The following ERO1B variants were observed in gnomAD, a reference collection of about 807,000 sequenced individuals.
ERO1B encodes the protein ERO1-like protein beta.
ERO1B carries 49 observed loss-of-function variants against 75.3 expected under a neutral mutation model. The ratio of observed to expected loss-of-function variants is 0.65; its 90% CI spans 0.52 to 0.83. The LOEUF is 0.83. ERO1B is among the 40% of genes least tolerant of loss of function. The pLI, the probability that ERO1B is intolerant of heterozygous loss-of-function variation, is 0.00. For missense variants in ERO1B, 512 were observed against 560.1 expected, an observed-to-expected ratio of 0.91 and a Z score of 0.87; for synonymous variants, 191 against 192.9, an observed-to-expected ratio of 0.99 and a Z score of 0.08.
At chr1:236,229,328 G>A (rs1231966578) in intron 10 of ERO1B, among the ~76,000 whole-genome samples, 1 of 151,978 alleles carries the variant, frequency 6.6e-6, no homozygotes, top group Non-Finnish European at 1.5e-5. Flanking sequence ...GGGAGGCTGA[G>A]GCAGGAGGAT....
chr1:236,270,184 T>C (rs1288692866), intron 1 of ERO1B, among the ~76,000 whole-genome samples, 190 bp from the exon 2 acceptor site: 1 of 152,222 alleles, frequency 6.6e-6, no homozygotes. Flanking sequence ...AGATTAGCTA[T>C]ACCCATTTGG....
At position 236,215,719 on chromosome 1, in the gene ERO1B, A is replaced by G. The variant is rs190242195; in HGVS notation, c.*2797T>C. 1 of 144,054 alleles carries G rather than the reference A, an allele frequency of 6.9e-6. No individual in the cohort carries two copies. Among genetic ancestry groups the G allele is most frequent in the Admixed American group, 7.2e-5 (1 of 13,914 alleles). 8.9% of individuals were successfully genotyped at this position (144,054 alleles called of 1,614,324 possible). A position where few individuals can be genotyped will look rare whatever the true frequency, so the allele number is the denominator to read the frequency against. On this transcript the variant is annotated 3_prime_UTR_variant, in exon 16 of 16. Transcript: ENST00000354619. Reference sequence around the variant, plus strand: ...TTTTTTACCAAATAATTTCCACGATACCATGCACCTAATCTGTGTATTTTG... The same window carrying G: ...TTTTTTACCAAATAATTTCCACGATGCCATGCACCTAATCTGTGTATTTTG...
At position 236,226,567 on chromosome 1, in the gene ERO1B, T is replaced by C. The variant is rs984525653; in HGVS notation, c.806-52A>G. The C allele has an allele frequency of 3.1e-6, 5 of 1,594,604 alleles. 1 individual carries two copies. Among genetic ancestry groups the C allele is most frequent in the Non-Finnish European group, 4.3e-6 (5 of 1,174,032 alleles). ...TTGTTTTAGTAAACAGGATTTTTTTTCTGCTCTAAAGAATATGTATTCTCT... is the reference window on the plus strand; with the variant it reads ...TTGTTTTAGTAAACAGGATTTTTTTCCTGCTCTAAAGAATATGTATTCTCT... On this transcript the variant is annotated intron_variant, in intron 11 of 15. Coordinates refer to ENST00000354619, the MANE Select transcript of ERO1B (RefSeq NM_019891.4).
At chr1:236,263,778 CTTTT>C in intron 2 of ERO1B, among the ~76,000 whole-genome samples, 20 of 80,282 alleles carry the variant, frequency 2.5e-4, no homozygotes, top group African/African-American at 7.8e-4. Flanking sequence ...ATTTTGTTTG[CTTTT>C]TTTTTTTTTT....
In ERO1B at chr1:236,249,981, C is replaced by T. The variant is rs1664977001; in HGVS notation, c.349-14G>A. On this transcript the variant is annotated splice_polypyrimidine_tract_variant and intron_variant, in intron 4 of 15. Coordinates refer to ENST00000354619, the MANE Select transcript of ERO1B (RefSeq NM_019891.4). ...CATTTTCAAGTACTGCAAAGAAGTT[C>T]GTAAGTTTAGTAAAAATTATTACCT... 3 of 1,557,712 alleles carry T rather than the reference C, an allele frequency of 1.9e-6. No homozygotes were observed. The highest frequency in any genetic ancestry group is 2.3e-5 in the East Asian group (1 of 43,998).
In ERO1B at chr1:236,222,034, G is replaced by T. The variant is rs138498584; in HGVS notation, c.1123-24C>A. ...TCCTAGCAAGCAGAAAATATTTTCA[G>T]TCTAATTAGACTTTTAAAATTGAAC... On this transcript the variant is annotated intron_variant, in intron 13 of 15. Transcript: ENST00000354619. 2.8e-3 allele frequency: 4,352 copies of T among 1,577,650 alleles called. 15 individuals carry two copies. The highest frequency in any genetic ancestry group is 3.3e-3 in the Non-Finnish European group (3,833 of 1,147,700).
At chr1:236,220,768 T>A (rs1007778213) in intron 15 of ERO1B, 64 bp downstream of exon 15, 17 of 1,423,604 alleles carry the variant, frequency 1.2e-5, no homozygotes, top group Non-Finnish European at 1.6e-5. Flanking sequence ...CAAAGAAGAT[T>A]ATCTTTGCAG....
chr1:236,239,726 G>C (rs568720902), intron 6 of ERO1B, among the ~76,000 whole-genome samples: 13 of 150,002 alleles, frequency 8.7e-5, no homozygotes, highest in Middle Eastern at 6.8e-3. Flanking sequence ...CTACAAAGCA[G>C]CTTCATAATT....
intron 1 of ERO1B, among the ~76,000 whole-genome samples, chr1:236,276,297 C>A (rs1406565190): frequency 6.6e-6 from 1 of 152,188 alleles, no homozygotes; most frequent in Non-Finnish European, 1.5e-5. Context: ...GAGACTAACA[C>A]TGAGAGTCCA....
intron 6 of ERO1B, among the ~76,000 whole-genome samples, chr1:236,236,622 T>C (rs1664554971): frequency 1.3e-5 from 2 of 152,206 alleles, no homozygotes; most frequent in Admixed American, 1.3e-4. Flanking sequence ...AACTCTTCCA[T>C]TTCCTTTGGA....
intron 14 of ERO1B, 162 bp downstream of exon 14, chr1:236,221,760 AAC>A (rs1664148718): frequency 3.7e-6 from 2 of 541,800 alleles, no homozygotes. Context: ...ACATACATGT[AAC>A]ACATATACTT....
intron 10 of ERO1B, 101 bp from the exon 11 acceptor site, chr1:236,226,840 A>G (rs1200679361): frequency 1.3e-6 from 1 of 781,368 alleles, no homozygotes; most frequent in African/African-American, 1.8e-5. Flanking sequence ...ATTGAAGAAC[A>G]TTAAAATAAA....
intron 10 of ERO1B, 71 bp from the exon 11 acceptor site, chr1:236,226,810 A>C: frequency 9.2e-7 from 1 of 1,089,752 alleles, no homozygotes; most frequent in East Asian, 2.4e-5. Flanking sequence ...AAGGAGGTTC[A>C]GTATGTAGGC....
intron 13 of ERO1B, among the ~76,000 whole-genome samples, chr1:236,224,778 C>T (rs1472399215): frequency 2.0e-5 from 3 of 152,128 alleles, no homozygotes; most frequent in Non-Finnish European, 2.9e-5. Context: ...TGCATCAAAA[C>T]GACAATATAC....
intron 5 of ERO1B, 106 bp downstream of exon 5, chr1:236,249,779 T>C (rs757203603): frequency 5.4e-6 from 4 of 742,288 alleles, no homozygotes; most frequent in Non-Finnish European, 8.4e-6. Flanking sequence ...TAAAAATATA[T>C]TAGTTAAAAC....
At chr1:236,252,558 A>C (rs929213283) in intron 3 of ERO1B, among the ~76,000 whole-genome samples, 1 of 152,194 alleles carries the variant, frequency 6.6e-6, no homozygotes, top group African/African-American at 2.4e-5. Context: ...ATTAACCTAG[A>C]GTTTACCAAT....
chr1:236,266,414 G>A (rs1328721017), intron 2 of ERO1B, among the ~76,000 whole-genome samples: 4 of 152,130 alleles, frequency 2.6e-5, no homozygotes, highest in African/African-American at 9.7e-5. Context: ...GACCAGCCTG[G>A]CCAACATGGT....
intron 2 of ERO1B, among the ~76,000 whole-genome samples, chr1:236,262,226 G>C (rs1665308625): frequency 6.6e-6 from 1 of 152,198 alleles, no homozygotes; most frequent in Non-Finnish European, 1.5e-5. Context: ...AAAGTGCCAA[G>C]AACACACAAC....
intron 2 of ERO1B, among the ~76,000 whole-genome samples, chr1:236,268,908 A>C (rs1383600533): frequency 6.6e-6 from 1 of 151,422 alleles, no homozygotes; most frequent in Non-Finnish European, 1.5e-5. Context: ...AAAAGCAAAA[A>C]CAAAAACATA....
Sources: allele counts gnomAD v4.1 joint callset (sites outside exome capture counted in the v4.1 genomes callset), GRCh38; gene constraint gnomAD v4.1.1; transcripts MANE v1.5; gene names NCBI Gene and HGNC (gene_info 2026-07-23, HGNC 2026-07-21).